Variants in EDIL3 observed in about 807,000 individuals in gnomAD.
The protein encoded by EDIL3 is EGF-like repeat and discoidin I-like domain-containing protein 3.
In EDIL3, 37 loss-of-function variants were observed where a neutral mutation model predicts 67.4. The observed-to-expected ratio is 0.55, with a 90% CI of 0.42 to 0.72. EDIL3 has a LOEUF of 0.72. Ranked by LOEUF, EDIL3 falls within the 30% of genes least tolerant of loss-of-function variation. EDIL3 has a pLI of 0.00. For synonymous variants in EDIL3, 195 were observed against 196.3 expected, an observed-to-expected ratio of 0.99 and a Z score of 0.05; for missense variants, 527 against 586.3, an observed-to-expected ratio of 0.90 and a Z score of 1.04.
chr5:84,013,817 C>G (rs995589872), intron 9 of EDIL3, among the ~76,000 whole-genome samples: 7 of 152,074 alleles, frequency 4.6e-5, no homozygotes, highest in African/African-American at 1.7e-4. Flanking sequence ...AGGGGATAAC[C>G]CTTAAGCTAA....
At chr5:84,046,978 T>A (rs1746236157) in intron 9 of EDIL3, among the ~76,000 whole-genome samples, 1 of 152,222 alleles carries the variant, frequency 6.6e-6, no homozygotes. Flanking sequence ...ATGGCATCAG[T>A]AATCATACAT....
intron 1 of EDIL3, among the ~76,000 whole-genome samples, chr5:84,348,981 A>T (rs1467639711): frequency 1.3e-5 from 2 of 152,208 alleles, no homozygotes; most frequent in African/African-American, 4.8e-5. Context: ...CCTACTTAAG[A>T]TACCTAACAG....
intron 3 of EDIL3, among the ~76,000 whole-genome samples, chr5:84,206,069 TAC>T (rs1272129452): frequency 1.3e-5 from 2 of 151,432 alleles, no homozygotes; most frequent in Non-Finnish European, 3.0e-5. Context: ...AATTTCCCTC[TAC>T]ACACTGCTTT....
chr5:84,168,555 A>G (rs1380948026), intron 4 of EDIL3, among the ~76,000 whole-genome samples: 1 of 152,140 alleles, frequency 6.6e-6, no homozygotes, highest in East Asian at 1.9e-4. Flanking sequence ...AAATCATAAG[A>G]ACAGTATATT....
chr5:84,133,871 A>G (rs1234803322), intron 5 of EDIL3, among the ~76,000 whole-genome samples: 3 of 152,222 alleles, frequency 2.0e-5, no homozygotes, highest in South Asian at 4.1e-4. Context: ...AATCACATCT[A>G]GAAGTCTAAA....
intron 9 of EDIL3, among the ~76,000 whole-genome samples, chr5:83,979,499 T>C (rs1180795297): frequency 2.0e-5 from 3 of 152,040 alleles, no homozygotes; most frequent in African/African-American, 7.2e-5. Context: ...TTATGAAAAG[T>C]TATAAAGTCT....
intron 1 of EDIL3, among the ~76,000 whole-genome samples, chr5:84,315,567 A>C (rs1055244295): frequency 1.3e-5 from 2 of 152,154 alleles, no homozygotes; most frequent in Non-Finnish European, 2.9e-5. Flanking sequence ...TAATTAAAGG[A>C]ATTTAATGTA....
intron 6 of EDIL3, among the ~76,000 whole-genome samples, chr5:84,089,937 C>T (rs956175287): frequency 2.6e-5 from 4 of 152,104 alleles, no homozygotes; most frequent in Non-Finnish European, 5.9e-5. Flanking sequence ...AATGGATTTT[C>T]GATGTTTTCA....
intron 4 of EDIL3, among the ~76,000 whole-genome samples, chr5:84,146,723 T>C (rs566645885): frequency 6.6e-6 from 1 of 152,248 alleles, no homozygotes; most frequent in South Asian, 2.1e-4. Flanking sequence ...CTACAGTCTT[T>C]TATACATATC....
intron 3 of EDIL3, among the ~76,000 whole-genome samples, chr5:84,182,106 A>G (rs1319334983): frequency 2.6e-5 from 4 of 151,348 alleles, no homozygotes; most frequent in Non-Finnish European, 2.9e-5. Context: ...ATAGAGAATG[A>G]CTCCTCCTGC....
At chr5:84,367,627 C>CA (rs1383250181) in intron 1 of EDIL3, among the ~76,000 whole-genome samples, 1 of 151,914 alleles carries the variant, frequency 6.6e-6, no homozygotes, top group African/African-American at 2.4e-5. Context: ...ACCAAGAATA[C>CA]AAAAAATTAG....
At chr5:84,189,368 G>A (rs906324635) in intron 3 of EDIL3, among the ~76,000 whole-genome samples, 1 of 151,844 alleles carries the variant, frequency 6.6e-6, no homozygotes, top group African/African-American at 2.4e-5. Context: ...GCTTGCTGAT[G>A]GCAGTAGTTT....
rs1446933033 is a variant in EDIL3, at chr5:83,943,177, G to A, written c.*242C>T. The A allele has an allele frequency of 2.2e-6, 1 of 446,006 alleles. No homozygotes were observed. The highest frequency in any genetic ancestry group is 2.0e-5 in the African/African-American group (1 of 48,946). 27.6% of individuals were successfully genotyped at this position (446,006 alleles called of 1,614,324 possible). On this transcript the variant is annotated 3_prime_UTR_variant, in exon 11 of 11. Coordinates refer to ENST00000296591, the MANE Select transcript of EDIL3 (RefSeq NM_005711.5). Reference sequence around the variant, plus strand: ...TAATTCAGGAAACAATGAGAGAAAAGTAATTCACACTTAATGTGTTGTTAC... The same window carrying A: ...TAATTCAGGAAACAATGAGAGAAAAATAATTCACACTTAATGTGTTGTTAC...
chr5:84,263,870 G>A (rs1010314440), intron 1 of EDIL3, among the ~76,000 whole-genome samples: 8 of 152,176 alleles, frequency 5.3e-5, no homozygotes, highest in Non-Finnish European at 1.2e-4. Context: ...ATGAGCCTCG[G>A]AGTACATATG....
intron 9 of EDIL3, among the ~76,000 whole-genome samples, chr5:84,053,493 C>A (rs1746380019): frequency 1.3e-5 from 2 of 152,054 alleles, no homozygotes; most frequent in African/African-American, 4.8e-5. Context: ...ACACAAAAAA[C>A]CCTTCAAAAA....
intron 5 of EDIL3, among the ~76,000 whole-genome samples, chr5:84,112,015 T>C (rs1747573388): frequency 1.3e-5 from 2 of 152,012 alleles, no homozygotes; most frequent in South Asian, 4.2e-4. Context: ...GCTGCTATGA[T>C]GAGGGAATTA....
At chr5:84,321,681 A>G (rs62360112) in intron 1 of EDIL3, among the ~76,000 whole-genome samples, 22,567 of 152,116 alleles carry the variant, frequency 0.15, 2,134 homozygotes, top group Middle Eastern at 0.24. Context: ...TGTCCTCCAA[A>G]TATTAGGAAT....
intron 10 of EDIL3, among the ~76,000 whole-genome samples, chr5:83,945,485 A>G (rs150293582): frequency 6.6e-6 from 1 of 152,102 alleles, no homozygotes; most frequent in African/African-American, 2.4e-5. Context: ...GTTTAAATTC[A>G]TTAACTTTCA....
chr5:84,060,412 C>G lies in EDIL3; in HGVS notation c.1025G>C (p.Arg342Thr). The G allele has an allele frequency of 6.2e-6, 10 of 1,613,798 alleles. No individual in the cohort carries two copies. Among genetic ancestry groups the G allele is most frequent in the Non-Finnish European group, 8.5e-6 (10 of 1,179,836 alleles). ...DYQITASSIFRTLNMDMFTWE... is the reference protein window; with the variant it reads ...DYQITASSIFTTLNMDMFTWE... ...AGTGAACATGTCCATGTTGAGCGTT[C>G]TGAAGATGCTGGAGGCAGTGATCTG... The change falls in exon 9 of 11, where the codon AGA (arginine) becomes ACA (threonine). Residue 342 changes from arginine to threonine, a missense_variant. By Grantham distance (71) the Arg-to-Thr change is moderately conservative. This residue lies in a region of EDIL3 where 494 missense variants were observed against 522.5 expected (regional missense o/e 0.95). Coordinates refer to ENST00000296591, the MANE Select transcript of EDIL3 (RefSeq NM_005711.5).
Sources: gnomAD v4.1 joint callset for allele counts (sites outside exome capture counted in the v4.1 genomes callset) on GRCh38, gnomAD v4.1.1 for gene constraint, gnomAD v4.1.1 regional missense constraint, MANE v1.5 for transcripts, NCBI Gene and HGNC (gene_info 2026-07-23, HGNC 2026-07-21) for gene names.